Variants in STXBP5 observed in about 807,000 individuals in gnomAD.
The protein encoded by STXBP5 is syntaxin binding protein 5.
A neutral mutation model predicts 152.4 loss-of-function variants in STXBP5; 50 were observed. That is an observed-to-expected ratio of 0.33 (90% CI 0.26 to 0.42). The LOEUF is 0.42. Ranked by LOEUF, STXBP5 falls within the 10% of genes least tolerant of loss-of-function variation. STXBP5 has a pLI of 1.00. For synonymous variants in STXBP5, 492 were observed against 494.7 expected (o/e 0.99, Z 0.07); for missense variants, 1,167 against 1,388.6 (o/e 0.84, Z 2.54).
At chr6:147,356,144 T>A (rs1784805509) in intron 22 of STXBP5, among the ~76,000 whole-genome samples, 1 of 152,138 alleles carries the variant, frequency 6.6e-6, no homozygotes, top group Non-Finnish European at 1.5e-5. Context: ...GCATTTTATA[T>A]AGTATTAGTC....
chr6:147,300,100 CAA>C (rs1387511174), intron 9 of STXBP5, among the ~76,000 whole-genome samples: 1 of 151,796 alleles, frequency 6.6e-6, no homozygotes, highest in Non-Finnish European at 1.5e-5. Context: ...TTAAATTTAA[CAA>C]AGGAGATAAA....
intron 9 of STXBP5, among the ~76,000 whole-genome samples, chr6:147,306,573 A>C (rs1467069571): frequency 6.6e-6 from 1 of 152,208 alleles, no homozygotes; most frequent in Non-Finnish European, 1.5e-5. Context: ...AATGGAGTAA[A>C]CAGGATGTGT....
intron 2 of STXBP5, among the ~76,000 whole-genome samples, chr6:147,232,946 C>T (rs1300775547): frequency 5.9e-5 from 9 of 151,564 alleles, no homozygotes; most frequent in Non-Finnish European, 1.0e-4. Context: ...CATTGATTGA[C>T]GCCCATGGCA....
At chr6:147,236,717 A>G (rs144888374) in intron 3 of STXBP5, among the ~76,000 whole-genome samples, 5,303 of 152,062 alleles carry the variant, frequency 0.035, 142 homozygotes, top group Admixed American at 0.054. Flanking sequence ...CACTAAGGGA[A>G]TCCCTTTGTA....
intron 2 of STXBP5, among the ~76,000 whole-genome samples, chr6:147,232,499 T>C (rs1778055117): frequency 6.6e-6 from 1 of 151,878 alleles, no homozygotes; most frequent in Admixed American, 6.6e-5. Context: ...GTTTTTCTTC[T>C]ACTGCATAGG....
rs544189040 is a variant in STXBP5 at position 147,263,361 on chromosome 6, T to A, written c.630+1008T>A. 1.0e-3 allele frequency among the ~76,000 whole-genome samples: 150 copies of A among 143,042 alleles called. 1 individual carries two copies. The highest frequency in any genetic ancestry group is 4.7e-3 in the East Asian group (24 of 5,086). The allele number at this position is 143,042 out of a possible 152,430, so 93.8% of individuals were successfully genotyped here. On this transcript the variant is annotated intron_variant, in intron 6 of 27. Coordinates refer to ENST00000321680, the MANE Select transcript of STXBP5 (RefSeq NM_001127715.4). ...TTCTTTCTTTTTTTTTTTTTTTTTTTAAATTTTTTAATTTTCCTAAAAGTC... is the reference window on the plus strand; with the variant it reads ...TTCTTTCTTTTTTTTTTTTTTTTTTAAAATTTTTTAATTTTCCTAAAAGTC...
rs1206810711 is a variant in STXBP5, at chr6:147,204,609, A to AGCAGCATCCGCC, written c.78_89dup (p.Gln27_Pro30dup). Reference sequence around the variant, plus strand: ...TCCTCGGCGTCGCAGCAGCAACAGCAGCAGCATCCGCCTGGGAACCGGGAG... The same window carrying AGCAGCATCCGCC: ...TCCTCGGCGTCGCAGCAGCAACAGCAGCAGCATCCGCCGCAGCATCCGCCTGGGAACCGGGAG... On this transcript the variant is annotated inframe_insertion, in exon 1 of 28. Transcript: ENST00000321680. The surrounding 1 kb of genome is among the most constrained non-coding windows in gnomAD (Gnocchi z 4.3). 1 of 1,611,020 alleles carries AGCAGCATCCGCC rather than the reference A, an allele frequency of 6.2e-7. No individual in the cohort carries two copies. Among genetic ancestry groups the AGCAGCATCCGCC allele is most frequent in the Non-Finnish European group, 8.5e-7 (1 of 1,178,582 alleles).
At chr6:147,272,911 C>T (rs1780246843) in intron 7 of STXBP5, among the ~76,000 whole-genome samples, 1 of 152,060 alleles carries the variant, frequency 6.6e-6, no homozygotes, top group Non-Finnish European at 1.5e-5. Flanking sequence ...ACTCTACTCT[C>T]CCCTGGTTGT....
intron 25 of STXBP5, among the ~76,000 whole-genome samples, chr6:147,371,756 A>G (rs1326956129): frequency 1.3e-5 from 2 of 152,188 alleles, no homozygotes; most frequent in Non-Finnish European, 2.9e-5. Flanking sequence ...TTAAACACCA[A>G]ATAAGAAATG....
At chr6:147,220,779 C>A (rs766799229) in intron 2 of STXBP5, among the ~76,000 whole-genome samples, 5 of 152,112 alleles carry the variant, frequency 3.3e-5, no homozygotes, top group Non-Finnish European at 7.4e-5. Context: ...GAATTTCTTG[C>A]AGACAGCGTA....
chr6:147,223,871 A>G (rs1179998839), intron 2 of STXBP5, among the ~76,000 whole-genome samples: 1 of 152,214 alleles, frequency 6.6e-6, no homozygotes, highest in East Asian at 1.9e-4. Context: ...ATTACTGTAT[A>G]TAGAGAGGAT....
In STXBP5 at chr6:147,339,382, T is replaced by C; in HGVS notation, c.2252T>C (p.Ile751Thr). The part of the protein sequence containing the change: ...RKFSKMVAND[I>T]AKMSRKLSLP... ...TTTTCCAAGATGGTAGCCAATGATA[T>C]AGGTAGGAAATAGAAATTTCTATTT... The change falls in exon 21 of 28, where the codon ATA becomes ACA. Residue 751 changes from isoleucine to threonine, a missense_variant and splice_region_variant. Ile to Thr is a moderately conservative substitution (Grantham distance 89). Transcript: ENST00000321680. The C allele has an allele frequency of 1.3e-6, 2 of 1,491,340 alleles. No homozygotes were observed. Among genetic ancestry groups the C allele is most frequent in the South Asian group, 1.4e-5 (1 of 72,680 alleles). The allele number at this position is 1,491,340 out of a possible 1,614,324, so 92.4% of individuals were successfully genotyped here. A position where few individuals can be genotyped will look rare whatever the true frequency, so the allele number is the denominator to read the frequency against.
chr6:147,324,535 G>T (rs569966880), intron 16 of STXBP5, among the ~76,000 whole-genome samples: 1 of 152,102 alleles, frequency 6.6e-6, no homozygotes, highest in South Asian at 2.1e-4. Flanking sequence ...TTCCCAAAGT[G>T]CTGGGATTAC....
In STXBP5 at chr6:147,276,602, C is replaced by A. The variant is rs1147843; in HGVS notation, c.715-1479C>A. 8.8e-3 allele frequency among the ~76,000 whole-genome samples: 1,341 copies of A among 151,886 alleles called. 8 individuals are homozygous for A. Among genetic ancestry groups the A allele is most frequent in the Non-Finnish European group, 0.014 (948 of 67,894 alleles). On this transcript the variant is annotated intron_variant, in intron 7 of 27. Transcript: ENST00000321680. ...CACTATAGACCTCTTTTGTATTTTCCCTTATGAATTTTTTAAAAAACATTT... is the reference window on the plus strand; with the variant it reads ...CACTATAGACCTCTTTTGTATTTTCACTTATGAATTTTTTAAAAAACATTT...
intron 2 of STXBP5, among the ~76,000 whole-genome samples, chr6:147,232,661 A>G (rs1039754005): frequency 6.6e-6 from 1 of 151,742 alleles, no homozygotes; most frequent in Admixed American, 6.6e-5. Context: ...AATAATAACT[A>G]CCTTTCAGAA....
intron 7 of STXBP5, among the ~76,000 whole-genome samples, chr6:147,277,209 CAAAT>C (rs1780485093): frequency 6.6e-6 from 1 of 151,960 alleles, no homozygotes; most frequent in Non-Finnish European, 1.5e-5. Flanking sequence ...AGAAAGAACT[CAAAT>C]AAATAGATGA....
intron 8 of STXBP5, among the ~76,000 whole-genome samples, chr6:147,283,062 C>T (rs1780776687): frequency 6.6e-6 from 1 of 152,110 alleles, no homozygotes; most frequent in African/African-American, 2.4e-5. Flanking sequence ...CTACATGTGG[C>T]CTGCAGGCCA....
intron 26 of STXBP5, among the ~76,000 whole-genome samples, chr6:147,376,134 G>A (rs188094617): frequency 1.1e-4 from 16 of 152,256 alleles, no homozygotes; most frequent in African/African-American, 3.4e-4. Flanking sequence ...AAGGTGTATG[G>A]CATGTGTGTA....
chr6:147,350,074 A>T (rs542452574), intron 21 of STXBP5, among the ~76,000 whole-genome samples: 10 of 152,202 alleles, frequency 6.6e-5, no homozygotes, highest in Non-Finnish European at 1.3e-4. Context: ...TAAAATTTAT[A>T]TGACATTTAT....
Sources: allele counts gnomAD v4.1 joint callset (sites outside exome capture counted in the v4.1 genomes callset), GRCh38; gene constraint gnomAD v4.1.1; non-coding constraint Gnocchi (gnomAD v3.1); transcripts MANE v1.5; gene names NCBI Gene and HGNC (gene_info 2026-07-23, HGNC 2026-07-21).